Variants in ZNF831 observed in about 807,000 individuals in gnomAD.
ZNF831 encodes the protein zinc finger protein 831.
ZNF831 carries 59 observed loss-of-function variants against 95.8 expected under a neutral mutation model. The observed-to-expected ratio is 0.62, with a 90% confidence interval of 0.50 to 0.77. The LOEUF is 0.77. ZNF831 is among the 30% of genes least tolerant of loss of function. The probability of loss-of-function intolerance (pLI) is 0.00; values close to 1 mark genes in which losing one functional copy is unlikely to be tolerated. For synonymous variants in ZNF831, 961 were observed against 925.5 expected, an observed-to-expected ratio of 1.04 and a Z score of -0.70; for missense variants, 2,205 against 2,164.0, an observed-to-expected ratio of 1.02 and a Z score of -0.38.
intron 1 of ZNF831, among the ~76,000 whole-genome samples, chr20:59,143,125 C>T (rs1326635544): frequency 6.6e-6 from 1 of 152,218 alleles, no homozygotes; most frequent in Non-Finnish European, 1.5e-5. Context: ...ACTTCAACTT[C>T]TGGCCTCAAA....
intron 4 of ZNF831, among the ~76,000 whole-genome samples, chr20:59,244,874 T>C (rs955855496): frequency 3.3e-5 from 5 of 152,240 alleles, no homozygotes; most frequent in Admixed American, 3.3e-4. Context: ...CCTTTATTGA[T>C]GGATGTTTAT....
At chr20:59,125,678 C>T (rs575276018) in intron 1 of ZNF831, among the ~76,000 whole-genome samples, 30 of 152,086 alleles carry the variant, frequency 2.0e-4, no homozygotes, top group Non-Finnish European at 3.7e-4. Context: ...GGGAAAAGCT[C>T]AGGGAGGAAG....
At chr20:59,197,143 C>T (rs191781236) in intron 3 of ZNF831, among the ~76,000 whole-genome samples, 114 of 152,180 alleles carry the variant, frequency 7.5e-4, no homozygotes, top group African/African-American at 2.7e-3. Flanking sequence ...CCTAACTTTC[C>T]CCTGTAGCTG....
At chr20:59,243,939 AT>A (rs11479355) in intron 4 of ZNF831, among the ~76,000 whole-genome samples, 3,783 of 151,538 alleles carry the variant, frequency 0.025, 164 homozygotes, top group African/African-American at 0.085. Flanking sequence ...AATATTAACA[AT>A]TTTTTTTTCC....
chr20:59,154,798 C>G (rs1202789335), intron 2 of ZNF831, among the ~76,000 whole-genome samples: 1 of 152,212 alleles, frequency 6.6e-6, no homozygotes, highest in Non-Finnish European at 1.5e-5. Flanking sequence ...TGCCCTTTGC[C>G]CTCAGATGTG....
chr20:59,192,532 A>G lies in ZNF831; in HGVS notation c.1513A>G (p.Asn505Asp), dbSNP rs772038780. The G allele has an allele frequency of 6.5e-7, 1 of 1,529,874 alleles. No individual in the cohort carries two copies. 94.8% of individuals were successfully genotyped at this position (1,529,874 alleles called of 1,614,324 possible). A position where few individuals can be genotyped will look rare whatever the true frequency, so the allele number is the denominator to read the frequency against. ...TVECVPVTRS[N>D]SLPFVEGSRT... ...GGAATGTGTCCCCGTCACCAGGAGCAACTCGCTGCCCTTCGTCGAGGGCTC... is the reference window on the plus strand; with the variant it reads ...GGAATGTGTCCCCGTCACCAGGAGCGACTCGCTGCCCTTCGTCGAGGGCTC... Residue 505 changes from asparagine to aspartate, a missense_variant, in exon 2 of 6, where the codon AAC (asparagine) becomes GAC (aspartate). Asn to Asp is a conservative substitution (Grantham distance 23). Transcript: ENST00000371030. The surrounding 1 kb of genome is among the most constrained non-coding windows in gnomAD (Gnocchi z 5.2).
intron 2 of ZNF831, among the ~76,000 whole-genome samples, chr20:59,195,325 C>T (rs1457134606): frequency 6.6e-6 from 1 of 152,202 alleles, no homozygotes; most frequent in African/African-American, 2.4e-5. Context: ...GGTTCACGCA[C>T]CTGGTTGTGA....
intron 1 of ZNF831, among the ~76,000 whole-genome samples, chr20:59,182,325 C>G (rs1266024311): frequency 6.6e-6 from 1 of 152,182 alleles, no homozygotes; most frequent in Non-Finnish European, 1.5e-5. Flanking sequence ...TAATTTTCAG[C>G]AGATTTTTCC....
chr20:59,200,195 T>G (rs922343961), intron 3 of ZNF831, among the ~76,000 whole-genome samples: 3 of 152,208 alleles, frequency 2.0e-5, no homozygotes, highest in Non-Finnish European at 2.9e-5. Context: ...TTTTTATTTG[T>G]TCCATTAGGA....
At position 59,208,251 on chromosome 20, in the gene ZNF831, C is replaced by A. The variant is rs1233703343; in HGVS notation, c.4027+1195C>A. Among the ~76,000 whole-genome samples, 1 of 152,208 alleles carries A rather than the reference C, an allele frequency of 6.6e-6. No individual in the cohort carries two copies. The highest frequency in any genetic ancestry group is 2.4e-5 in the African/African-American group (1 of 41,450). On this transcript the variant is annotated intron_variant, in intron 4 of 5. Transcript: ENST00000371030. The surrounding 1 kb of genome is among the most constrained non-coding windows in gnomAD (Gnocchi z 4.2). ...GTGGCTCTCAACCTCACCTCCATCT[C>A]CCTCCTCTGTATCCAGCGAAATTGC...
At chr20:59,166,679 T>C (rs1469283561) in intron 1 of ZNF831, among the ~76,000 whole-genome samples, 1 of 152,202 alleles carries the variant, frequency 6.6e-6, no homozygotes, top group African/African-American at 2.4e-5. Flanking sequence ...TCATTCAGTG[T>C]GGTGTGTAGC....
At chr20:59,253,802 AC>A in intron 5 of ZNF831, 95 bp from the exon 6 acceptor site, 4 of 1,370,152 alleles carry the variant, frequency 2.9e-6, no homozygotes, top group Non-Finnish European at 3.0e-6. Context: ...AGACCTCAAG[AC>A]CTGTTTTCAT....
chr20:59,140,106 C>T (rs1051632616), intron 1 of ZNF831, among the ~76,000 whole-genome samples: 20 of 152,128 alleles, frequency 1.3e-4, no homozygotes, highest in African/African-American at 4.8e-4. Context: ...TTTTCTTTCA[C>T]AGGGGAACAA....
intron 1 of ZNF831, among the ~76,000 whole-genome samples, chr20:59,125,662 G>A (rs1979150246): frequency 6.6e-6 from 1 of 152,208 alleles, no homozygotes; most frequent in Non-Finnish European, 1.5e-5. Flanking sequence ...CTGTGTCAAG[G>A]AATTGGGGAA....
intron 1 of ZNF831, among the ~76,000 whole-genome samples, chr20:59,182,517 C>T (rs575913021): frequency 2.6e-5 from 4 of 152,080 alleles, no homozygotes; most frequent in African/African-American, 7.2e-5. Context: ...AGACAGGGGA[C>T]GGGGATGGCT....
At chr20:59,209,160 G>A (rs1421410604) in intron 4 of ZNF831, among the ~76,000 whole-genome samples, 1 of 152,178 alleles carries the variant, frequency 6.6e-6, no homozygotes, top group African/African-American at 2.4e-5. Context: ...TGTCTGTCTA[G>A]GATGTCGACG....
chr20:59,227,738 A>T (rs1600657509), intron 4 of ZNF831, among the ~76,000 whole-genome samples: 1 of 152,342 alleles, frequency 6.6e-6, no homozygotes, highest in East Asian at 1.9e-4. Context: ...CTTAGCTAAC[A>T]CCATCATAAA....
chr20:59,204,598 C>T (rs1423182500), intron 3 of ZNF831, among the ~76,000 whole-genome samples: 1 of 152,200 alleles, frequency 6.6e-6, no homozygotes, highest in Non-Finnish European at 1.5e-5. Context: ...CATAGTTTCG[C>T]CCCAGAAAGG....
chr20:59,146,794 C>T (rs149610110), intron 2 of ZNF831: 1 of 152,330 alleles, frequency 6.6e-6, no homozygotes, highest in African/African-American at 2.4e-5. Flanking sequence ...TGGCCCCAAG[C>T]CCAGTAACCA....
Sources: allele counts gnomAD v4.1 joint callset (sites outside exome capture counted in the v4.1 genomes callset), GRCh38; gene constraint gnomAD v4.1.1; non-coding constraint Gnocchi (gnomAD v3.1); transcripts MANE v1.5; gene names NCBI Gene and HGNC (gene_info 2026-07-23, HGNC 2026-07-21).